STPG2: variants seen among roughly 807,000 people sequenced by gnomAD.
STPG2 encodes sperm tail PG-rich repeat containing 2.
A neutral mutation model predicts 54.2 loss-of-function variants in STPG2; 56 were observed. That is an observed-to-expected ratio of 1.03 (90% CI 0.83 to 1.29). STPG2 has a LOEUF of 1.29. Ranked by LOEUF, STPG2 falls within the 50% of genes most tolerant of loss-of-function variation. STPG2 has a pLI of 0.00. For missense variants in STPG2, 596 were observed against 544.9 expected (o/e 1.09, Z -0.93); for synonymous variants, 200 against 181.8 (o/e 1.10, Z -0.81).
intron 5 of STPG2, among the ~76,000 whole-genome samples, chr4:98,077,083 G>C (rs1738189715): frequency 6.6e-6 from 1 of 151,732 alleles, no homozygotes; most frequent in African/African-American, 2.4e-5. Context: ...TTAATACTAA[G>C]ATTTTGTTTG....
intron 8 of STPG2, among the ~76,000 whole-genome samples, chr4:97,866,926 A>G (rs1438842682): frequency 1.3e-5 from 2 of 151,938 alleles, no homozygotes; most frequent in Non-Finnish European, 2.9e-5. Flanking sequence ...AAACTTGGGC[A>G]TTTGGCTTCC....
intron 2 of STPG2, among the ~76,000 whole-genome samples, chr4:98,131,102 C>T (rs1739982035): frequency 6.6e-6 from 1 of 152,006 alleles, no homozygotes; most frequent in Non-Finnish European, 1.5e-5. Context: ...TTTTTCTGCA[C>T]ATAAAGTGGG....
chr4:97,811,370 C>T lies in STPG2; in HGVS notation c.1204+29403G>A, dbSNP rs1394859964. Among the ~76,000 whole-genome samples the T allele has an allele frequency of 1.2e-4, 18 of 152,026 alleles. 1 individual carries two copies. The highest frequency in any genetic ancestry group is 1.2e-3 in the Admixed American group (18 of 15,238). On this transcript the variant is annotated intron_variant, in intron 9 of 10. Transcript: ENST00000295268. Reference sequence around the variant, plus strand: ...ACACATGTGTTGAATAAAGTAACAGCCTTTGATGAATTTCCTTCATAACAT... The same window carrying T: ...ACACATGTGTTGAATAAAGTAACAGTCTTTGATGAATTTCCTTCATAACAT...
chr4:97,709,884 C>T (rs1724059771), intron 10 of STPG2, among the ~76,000 whole-genome samples: 2 of 151,730 alleles, frequency 1.3e-5, no homozygotes, highest in African/African-American at 4.8e-5. Flanking sequence ...AAATTTATGT[C>T]TAGATAAAAA....
intron 10 of STPG2, among the ~76,000 whole-genome samples, chr4:97,671,562 T>A (rs963287300): frequency 6.6e-6 from 1 of 152,204 alleles, no homozygotes; most frequent in Admixed American, 6.5e-5. Flanking sequence ...TGCACCCATA[T>A]ACAAAGAAAT....
intron 10 of STPG2, among the ~76,000 whole-genome samples, chr4:97,604,920 T>C (rs533850671): frequency 2.6e-5 from 4 of 151,870 alleles, no homozygotes; most frequent in East Asian, 1.9e-4. Context: ...TCTTCTCCTT[T>C]TCCCTCGTCT....
intron 4 of STPG2, among the ~76,000 whole-genome samples, chr4:97,493,781 G>A (rs1022544074): frequency 8.6e-5 from 13 of 151,610 alleles, no homozygotes; most frequent in African/African-American, 3.1e-4. Flanking sequence ...ATATTAAAAA[G>A]CCAGTATTTG....
At chr4:97,861,283 TATA>T (rs1729525457) in intron 8 of STPG2, among the ~76,000 whole-genome samples, 1 of 152,012 alleles carries the variant, frequency 6.6e-6, no homozygotes, top group Non-Finnish European at 1.5e-5. Flanking sequence ...AATAAAAAAC[TATA>T]ATGAGATATC....
intron 9 of STPG2, among the ~76,000 whole-genome samples, chr4:97,807,703 G>A (rs972130502): frequency 3.3e-5 from 5 of 151,808 alleles, no homozygotes; most frequent in African/African-American, 1.2e-4. Context: ...AAGTGGGCAG[G>A]AGTATGAGGC....
chr4:97,960,984 G>A (rs887248704), intron 7 of STPG2, among the ~76,000 whole-genome samples: 4 of 151,944 alleles, frequency 2.6e-5, no homozygotes, highest in Non-Finnish European at 5.9e-5. Context: ...GCATGGTACT[G>A]GTATAAACAT....
chr4:97,914,404 A>G (rs1178638328), intron 8 of STPG2, among the ~76,000 whole-genome samples: 1 of 152,214 alleles, frequency 6.6e-6, no homozygotes, highest in Non-Finnish European at 1.5e-5. Context: ...CTAGGTCATG[A>G]AAAGATTTTT....
chr4:97,917,742 T>C (rs7699578), intron 8 of STPG2, among the ~76,000 whole-genome samples: 30,767 of 152,092 alleles, frequency 0.2, 3,951 homozygotes, highest in Middle Eastern at 0.3. Flanking sequence ...CACACTAAAA[T>C]AGGTGCAGAA....
At chr4:97,836,652 T>C (rs966205213) in intron 9 of STPG2, among the ~76,000 whole-genome samples, 5 of 151,672 alleles carry the variant, frequency 3.3e-5, no homozygotes, top group African/African-American at 1.2e-4. Flanking sequence ...CTCTAAACTC[T>C]CAATCCTTTT....
intron 9 of STPG2, among the ~76,000 whole-genome samples, chr4:97,787,384 C>T (rs1209128103): frequency 1.3e-5 from 2 of 151,994 alleles, no homozygotes; most frequent in Non-Finnish European, 2.9e-5. Context: ...CCCCTATGCT[C>T]ATCGGTTTTT....
At chr4:97,915,498 A>G (rs944168187) in intron 8 of STPG2, among the ~76,000 whole-genome samples, 3 of 152,142 alleles carry the variant, frequency 2.0e-5, no homozygotes, top group Admixed American at 2.0e-4. Flanking sequence ...GTTGTTCCCT[A>G]TGATTCAAGG....
At chr4:97,903,124 T>C (rs536539383) in intron 8 of STPG2, among the ~76,000 whole-genome samples, 1 of 152,148 alleles carries the variant, frequency 6.6e-6, no homozygotes, top group South Asian at 2.1e-4. Context: ...AATGAATATA[T>C]TCTGGACACC....
intron 5 of STPG2, among the ~76,000 whole-genome samples, chr4:98,097,205 C>T (rs536358675): frequency 3.0e-4 from 45 of 152,024 alleles, no homozygotes; most frequent in Non-Finnish European, 5.0e-4. Flanking sequence ...ATATCCCTGA[C>T]GAACATAGAT....
intron 6 of STPG2, among the ~76,000 whole-genome samples, chr4:97,978,164 C>T (rs1235503822): frequency 1.3e-5 from 2 of 152,136 alleles, no homozygotes; most frequent in Non-Finnish European, 2.9e-5. Flanking sequence ...AATTCCATTA[C>T]TGGGTATATA....
intron 10 of STPG2, among the ~76,000 whole-genome samples, chr4:97,622,477 A>C (rs1202148700): frequency 6.6e-6 from 1 of 152,134 alleles, no homozygotes; most frequent in Non-Finnish European, 1.5e-5. Flanking sequence ...TACACAACAT[A>C]TAAGCTGACA....
Sources: gnomAD v4.1 joint callset for allele counts (sites outside exome capture counted in the v4.1 genomes callset) on GRCh38, gnomAD v4.1.1 for gene constraint, MANE v1.5 for transcripts, NCBI Gene and HGNC (gene_info 2026-07-23, HGNC 2026-07-21) for gene names.